The following FOXN2 variants were observed in gnomAD, a reference collection of about 807,000 sequenced individuals.
FOXN2 encodes forkhead box protein N2.
In FOXN2, 19 loss-of-function variants were observed where a neutral mutation model predicts 41.2. The ratio of observed to expected loss-of-function variants is 0.46; its 90% confidence interval spans 0.32 to 0.68. The LOEUF (loss-of-function observed/expected upper bound fraction) is 0.68. FOXN2 is among the 30% of genes least tolerant of loss of function. The pLI is 0.03. For synonymous variants in FOXN2, 195 were observed against 176.8 expected, an observed-to-expected ratio of 1.10 and a Z score of -0.82; for missense variants, 587 against 509.4, an observed-to-expected ratio of 1.15 and a Z score of -1.47.
At chr2:48,314,357 T>G (rs951678038), upstream of FOXN2, among the ~76,000 whole-genome samples, 2 of 152,204 alleles carry the variant, frequency 1.3e-5, no homozygotes, top group African/African-American at 2.4e-5. Context: ...CGCTTTCCCC[T>G]GCCCTGCTCA....
chr2:48,323,258 ATC>A (rs1356122263), intron 1 of FOXN2, among the ~76,000 whole-genome samples: 1 of 152,136 alleles, frequency 6.6e-6, no homozygotes, highest in Non-Finnish European at 1.5e-5. Context: ...TAATTAGAAT[ATC>A]TGTCACCTGA....
In FOXN2 at chr2:48,314,715, C is replaced by G. The variant is rs1230845013; in HGVS notation, c.-256C>G. On this transcript the variant is annotated 5_prime_UTR_variant, in exon 1 of 7. Coordinates refer to ENST00000340553, the MANE Select transcript of FOXN2 (RefSeq NM_002158.4). ...TGCTGCTGCCTGCTGGTTGCCGCGTCTTCCCGGAGGCGACTGCTGGAAGCT... is the reference window on the plus strand; with the variant it reads ...TGCTGCTGCCTGCTGGTTGCCGCGTGTTCCCGGAGGCGACTGCTGGAAGCT... The G allele has an allele frequency of 6.5e-6, 1 of 152,852 alleles. No homozygotes were observed. Among genetic ancestry groups the G allele is most frequent in the Non-Finnish European group, 1.5e-5 (1 of 68,564 alleles). 9.5% of individuals were successfully genotyped at this position (152,852 alleles called of 1,614,324 possible).
intron 3 of FOXN2, among the ~76,000 whole-genome samples, chr2:48,354,302 TATA>T (rs1451826741): frequency 1.3e-5 from 2 of 152,160 alleles, no homozygotes; most frequent in Non-Finnish European, 2.9e-5. Flanking sequence ...ATTCAAAATA[TATA>T]ATAAGTGCTG....
chr2:48,335,853 C>T (rs1243972205), intron 2 of FOXN2, among the ~76,000 whole-genome samples: 3 of 150,910 alleles, frequency 2.0e-5, no homozygotes, highest in African/African-American at 7.3e-5. Context: ...CGGCGAAACC[C>T]CATCTCTACT....
intron 1 of FOXN2, among the ~76,000 whole-genome samples, chr2:48,323,391 CA>C: frequency 6.6e-6 from 1 of 152,242 alleles, no homozygotes; most frequent in Admixed American, 6.5e-5. Context: ...ACATCCTTGC[CA>C]GCATTGTTAA....
chr2:48,314,144 A>G (rs1668719323), upstream of FOXN2, among the ~76,000 whole-genome samples: 1 of 152,232 alleles, frequency 6.6e-6, no homozygotes, highest in African/African-American at 2.4e-5. Flanking sequence ...AGCCCAGGCA[A>G]TGGCGGAAGG....
At chr2:48,318,547 A>G (rs1262779815) in intron 1 of FOXN2, among the ~76,000 whole-genome samples, 7 of 152,168 alleles carry the variant, frequency 4.6e-5, no homozygotes, top group Non-Finnish European at 1.0e-4. Flanking sequence ...AGTTTCGCCC[A>G]CTTTCCTGCC....
At chr2:48,354,352 A>G (rs775825331) in intron 3 of FOXN2, among the ~76,000 whole-genome samples, 9 of 152,204 alleles carry the variant, frequency 5.9e-5, no homozygotes, top group Admixed American at 5.2e-4. Context: ...CTGTAATCCC[A>G]GCACTTTTGG....
intron 1 of FOXN2, among the ~76,000 whole-genome samples, chr2:48,318,623 C>A (rs1669088948): frequency 6.6e-6 from 1 of 152,166 alleles, no homozygotes; most frequent in African/African-American, 2.4e-5. Flanking sequence ...AAACCTTAAC[C>A]TAATTTTGAT....
chr2:48,314,975 A>G (rs555913079), intron 1 of FOXN2, among the ~76,000 whole-genome samples, 161 bp downstream of exon 1: 1 of 151,806 alleles, frequency 6.6e-6, no homozygotes, highest in Non-Finnish European at 1.5e-5. Context: ...CCAGTGAGGA[A>G]TTTGCGCCGG....
Position 48,378,891 on chromosome 2 carries a change from C to G in FOXN2, c.*3448C>G, listed in dbSNP as rs1673407766. The G allele has an allele frequency of 6.6e-6, 1 of 152,384 alleles. No individual in the cohort carries two copies. The highest frequency in any genetic ancestry group is 6.6e-5 in the Admixed American group (1 of 15,264). 9.4% of individuals were successfully genotyped at this position (152,384 alleles called of 1,614,324 possible). ...AAAACTTATTTTTTAAATCGTTGTA[C>G]ATTTCTTATTAAACTAAGTGCTTAA... is the stretch of plus-strand genomic sequence containing the variant. On this transcript the variant is annotated 3_prime_UTR_variant, in exon 7 of 7. Transcript: ENST00000340553.
intron 2 of FOXN2, among the ~76,000 whole-genome samples, chr2:48,331,840 C>T (rs1194057267): frequency 6.6e-6 from 1 of 151,008 alleles, no homozygotes; most frequent in African/African-American, 2.4e-5. Context: ...AATCCCAGAA[C>T]CTTTATGTTC....
intron 4 of FOXN2, among the ~76,000 whole-genome samples, chr2:48,360,335 A>G (rs563642247): frequency 1.3e-5 from 2 of 152,312 alleles, no homozygotes; most frequent in East Asian, 3.9e-4. Context: ...AAAGATTTTT[A>G]ATAAAGTAAT....
chr2:48,355,985 C>A (rs962214257), intron 3 of FOXN2, among the ~76,000 whole-genome samples: 2 of 152,118 alleles, frequency 1.3e-5, no homozygotes, highest in Non-Finnish European at 2.9e-5. Flanking sequence ...TGGCTGGGCA[C>A]AGTGGCACTT....
At chr2:48,364,717 C>A (rs1672419795) in intron 5 of FOXN2, among the ~76,000 whole-genome samples, 1 of 152,238 alleles carries the variant, frequency 6.6e-6, no homozygotes. Context: ...TTGGGTGTCC[C>A]ATGAGCTAAG....
At chr2:48,328,826 A>T (rs1419496501) in intron 2 of FOXN2, 124 bp downstream of exon 2, 1 of 152,186 alleles carries the variant, frequency 6.6e-6, no homozygotes, top group Non-Finnish European at 1.5e-5. Context: ...AAGTTTAAGT[A>T]GATGGGTTTT....
At chr2:48,323,684 T>A (rs1039104273) in intron 1 of FOXN2, among the ~76,000 whole-genome samples, 1 of 152,204 alleles carries the variant, frequency 6.6e-6, no homozygotes, top group Non-Finnish European at 1.5e-5. Context: ...ATGTGGGTTC[T>A]CTTTATTGAT....
chr2:48,335,724 G>C (rs1344310022), intron 2 of FOXN2, among the ~76,000 whole-genome samples: 1 of 152,192 alleles, frequency 6.6e-6, no homozygotes, highest in Non-Finnish European at 1.5e-5. Flanking sequence ...AGCATCTTAT[G>C]AAGTTAAGAA....
rs537597522 is a variant in FOXN2 at position 48,375,518 on chromosome 2, A to C, written c.*75A>C. 3.7e-5 allele frequency: 51 copies of C among 1,377,366 alleles called. No homozygotes were observed. The highest frequency in any genetic ancestry group is 1.8e-4 in the Admixed American group (7 of 39,874). The allele number at this position is 1,377,366 out of a possible 1,614,324, so 85.3% of individuals were successfully genotyped here. On this transcript the variant is annotated 3_prime_UTR_variant, in exon 7 of 7. Transcript: ENST00000340553. The stretch of plus-strand genomic sequence containing the variant: ...TATCAAAGCCATAATGGACTTCATT[A>C]GTTTTAGGGTAGGGAAGGGATACTA...
Sources: allele counts gnomAD v4.1 joint callset (sites outside exome capture counted in the v4.1 genomes callset), GRCh38; gene constraint gnomAD v4.1.1; transcripts MANE v1.5; gene names NCBI Gene and HGNC (gene_info 2026-07-23, HGNC 2026-07-21).